The following RGS7 variants were observed in gnomAD, a reference collection of about 807,000 sequenced individuals.
The protein encoded by RGS7 is regulator of G-protein signaling 7.
Under a neutral mutation model 81.1 loss-of-function variants are expected in RGS7, and 27 were observed. That is an observed-to-expected ratio of 0.33 (90% CI 0.25 to 0.46). The LOEUF (loss-of-function observed/expected upper bound fraction) is 0.46. Among genes scored for constraint, RGS7 ranks in the 20% least tolerant of loss-of-function variants. The pLI, the probability that RGS7 is intolerant of heterozygous loss-of-function variation, is 1.00. For missense variants in RGS7, 396 were observed against 607.4 expected, an observed-to-expected ratio of 0.65 and a Z score of 3.66; for synonymous variants, 208 against 207.7, an observed-to-expected ratio of 1.00 and a Z score of -0.01.
intron 2 of RGS7, among the ~76,000 whole-genome samples, chr1:241,216,258 C>T (rs532480614): frequency 2.0e-5 from 3 of 150,686 alleles, no homozygotes; most frequent in Non-Finnish European, 4.4e-5. Flanking sequence ...GGTGACAAAG[C>T]GAGACCCTGT....
chr1:241,196,991 T>TAAAAA (rs34557484), intron 2 of RGS7, among the ~76,000 whole-genome samples: 2 of 132,598 alleles, frequency 1.5e-5, no homozygotes, highest in East Asian at 2.1e-4. Context: ...CAAAAGAATG[T>TAAAAA]AAAAAAAAAA....
At chr1:240,846,553 A>C (rs1241428506) in intron 9 of RGS7, among the ~76,000 whole-genome samples, 1 of 152,034 alleles carries the variant, frequency 6.6e-6, no homozygotes, top group Non-Finnish European at 1.5e-5. Flanking sequence ...GGCTTAACCT[A>C]GTTTTATTTT....
intron 9 of RGS7, among the ~76,000 whole-genome samples, chr1:240,858,823 T>C (rs1661621850): frequency 6.6e-6 from 1 of 152,244 alleles, no homozygotes; most frequent in African/African-American, 2.4e-5. Flanking sequence ...CAGTCTTGAA[T>C]ACCTGGAATA....
chr1:241,125,445 C>T (rs1223091706), intron 2 of RGS7, among the ~76,000 whole-genome samples: 1 of 152,022 alleles, frequency 6.6e-6, no homozygotes, highest in Non-Finnish European at 1.5e-5. Flanking sequence ...CACACACACA[C>T]ACACACACAC....
chr1:241,149,936 C>T (rs574342772), intron 2 of RGS7, among the ~76,000 whole-genome samples: 18 of 152,168 alleles, frequency 1.2e-4, no homozygotes, highest in African/African-American at 4.1e-4. Flanking sequence ...CCACCATGCC[C>T]GGCTAATTTT....
Position 241,327,028 on chromosome 1 carries a change from A to AGGGAGGGAGTGAGGGAGGGAGGG in RGS7, c.78+28670_78+28671insCCCTCCCTCCCTCACTCCCTCCC, listed in dbSNP as rs1257519305. ...GAAGGAAGGAAGGAAGGAAGGAAGG[A>AGGGAGGGAGTGAGGGAGGGAGGG]AGGAAGGAAGGGAGGGAGGGGAAAG... is the stretch of plus-strand genomic sequence containing the variant. On this transcript the variant is annotated intron_variant, in intron 2 of 18. Coordinates refer to ENST00000440928, the MANE Select transcript of RGS7 (RefSeq NM_001364886.1). Among the ~76,000 whole-genome samples the AGGGAGGGAGTGAGGGAGGGAGGG allele has an allele frequency of 4.5e-3, 12 of 2,652 alleles. 1 individual carries two copies. The highest frequency in any genetic ancestry group is 6.3e-3 in the Non-Finnish European group (11 of 1,748). The allele number at this position is 2,652 out of a possible 152,430, so 1.7% of individuals were successfully genotyped here. A position where few individuals can be genotyped will look rare whatever the true frequency, so the allele number is the denominator to read the frequency against.
intron 2 of RGS7, among the ~76,000 whole-genome samples, chr1:241,132,741 A>ATTTATTTGTTTGTTTGTTTG: frequency 6.6e-6 from 1 of 151,104 alleles, no homozygotes; most frequent in Admixed American, 6.6e-5. Flanking sequence ...TCAACTTATT[A>ATTTATTTGTTTGTTTGTTTG]TTTGTTTGTT....
At chr1:241,160,969 T>C (rs2069605484) in intron 2 of RGS7, among the ~76,000 whole-genome samples, 1 of 152,074 alleles carries the variant, frequency 6.6e-6, no homozygotes, top group Non-Finnish European at 1.5e-5. Flanking sequence ...CGGTTAGACA[T>C]TAATTATTAG....
chr1:241,153,668 T>A (rs2068912337), intron 2 of RGS7, among the ~76,000 whole-genome samples: 1 of 152,228 alleles, frequency 6.6e-6, no homozygotes, highest in Non-Finnish European at 1.5e-5. Flanking sequence ...CTAAACCACA[T>A]CCCGCAGTGT....
At chr1:241,252,049 CTT>C (rs571408259) in intron 2 of RGS7, among the ~76,000 whole-genome samples, 2 of 143,596 alleles carry the variant, frequency 1.4e-5, no homozygotes, top group African/African-American at 2.5e-5. Flanking sequence ...CTTTCTTTTT[CTT>C]TTTTTTTTTT....
intron 2 of RGS7, among the ~76,000 whole-genome samples, chr1:241,112,540 A>G (rs1382684930): frequency 6.6e-6 from 1 of 152,258 alleles, no homozygotes; most frequent in Non-Finnish European, 1.5e-5. Context: ...TTTCAGGTGT[A>G]CACACTAAAA....
At chr1:241,102,580 T>C (rs538005942) in intron 2 of RGS7, among the ~76,000 whole-genome samples, 1 of 152,342 alleles carries the variant, frequency 6.6e-6, no homozygotes, top group South Asian at 2.1e-4. Flanking sequence ...GTCTGCTCCC[T>C]CCATTCCCTT....
At chr1:240,846,500 C>A (rs1164250101) in intron 9 of RGS7, among the ~76,000 whole-genome samples, 1 of 152,146 alleles carries the variant, frequency 6.6e-6, no homozygotes. Context: ...GCAGCATCTG[C>A]ATAGGTCACC....
chr1:240,935,959 C>T (rs1228489126), intron 5 of RGS7, among the ~76,000 whole-genome samples: 1 of 152,172 alleles, frequency 6.6e-6, no homozygotes, highest in Non-Finnish European at 1.5e-5. Flanking sequence ...GTAGAATATA[C>T]TTTAGGTAAA....
At chr1:241,339,545 T>C (rs2082422508) in intron 2 of RGS7, among the ~76,000 whole-genome samples, 1 of 152,198 alleles carries the variant, frequency 6.6e-6, no homozygotes, top group Admixed American at 6.5e-5. Context: ...GATTGTAATA[T>C]CTTAAAGAAA....
intron 3 of RGS7, among the ~76,000 whole-genome samples, chr1:240,985,427 C>T (rs1296556951): frequency 2.7e-5 from 4 of 149,930 alleles, no homozygotes; most frequent in African/African-American, 1.0e-4. Context: ...TTCTGTTACG[C>T]TTTCTTTCCT....
intron 2 of RGS7, among the ~76,000 whole-genome samples, chr1:241,156,984 G>T (rs1367844810): frequency 2.0e-5 from 3 of 152,154 alleles, no homozygotes; most frequent in African/African-American, 7.2e-5. Context: ...ACCACAGTCT[G>T]CTTCCTGTAC....
chr1:240,831,246 A>G (rs977401427), intron 9 of RGS7, among the ~76,000 whole-genome samples: 1 of 152,314 alleles, frequency 6.6e-6, no homozygotes, highest in African/African-American at 2.4e-5. Flanking sequence ...GATCTATGAT[A>G]TCTAAGTCAA....
intron 18 of RGS7, 46 bp from the exon 19 acceptor site, chr1:240,776,259 G>A (rs755608295): frequency 7.6e-6 from 11 of 1,451,202 alleles, no homozygotes; most frequent in Middle Eastern, 1.7e-4. Flanking sequence ...AATCAAGTAC[G>A]ATCACTGAAA....
Sources: allele counts gnomAD v4.1 joint callset (sites outside exome capture counted in the v4.1 genomes callset), GRCh38; gene constraint gnomAD v4.1.1; transcripts MANE v1.5; gene names NCBI Gene and HGNC (gene_info 2026-07-23, HGNC 2026-07-21).